DOK6: variants seen among roughly 807,000 people sequenced by gnomAD.
DOK6 encodes downstream of tyrosine kinase 6.
DOK6 carries 22 observed loss-of-function variants against 44.0 expected under a neutral mutation model. That is an observed-to-expected ratio of 0.50 (90% CI 0.36 to 0.71). DOK6 has a LOEUF of 0.71. Among genes scored for constraint, DOK6 ranks in the 30% least tolerant of loss-of-function variants. DOK6 has a pLI of 0.00. For synonymous variants in DOK6, 166 were observed against 145.5 expected, an observed-to-expected ratio of 1.14 and a Z score of -1.01; for missense variants, 340 against 416.4, an observed-to-expected ratio of 0.82 and a Z score of 1.60.
intron 7 of DOK6, among the ~76,000 whole-genome samples, chr18:69,785,648 T>C (rs1980407484): frequency 6.6e-6 from 1 of 152,206 alleles, no homozygotes; most frequent in Non-Finnish European, 1.5e-5. Flanking sequence ...GAATTCTTTT[T>C]GTTCCGTTGC....
chr18:69,645,032 T>G (rs1985035441), intron 3 of DOK6, among the ~76,000 whole-genome samples: 2 of 152,240 alleles, frequency 1.3e-5, no homozygotes, highest in Non-Finnish European at 2.9e-5. Flanking sequence ...CTTGCATACC[T>G]TTGATTCTCA....
intron 6 of DOK6, among the ~76,000 whole-genome samples, chr18:69,757,065 C>T (rs1599308443): frequency 6.6e-6 from 1 of 152,256 alleles, no homozygotes; most frequent in South Asian, 2.1e-4. Context: ...AATCATGTGC[C>T]GGAGCACGTG....
chr18:69,466,012 T>C (rs912467353), intron 1 of DOK6, among the ~76,000 whole-genome samples: 1 of 152,198 alleles, frequency 6.6e-6, no homozygotes, highest in African/African-American at 2.4e-5. Context: ...CTGACATACT[T>C]TTTTTGTTGT....
intron 1 of DOK6, among the ~76,000 whole-genome samples, chr18:69,423,974 C>T (rs749476277): frequency 2.0e-5 from 3 of 151,990 alleles, no homozygotes; most frequent in Non-Finnish European, 2.9e-5. Context: ...TATTGAATTA[C>T]GTAGCTTCAA....
chr18:69,512,833 A>T (rs1981411791), intron 1 of DOK6, among the ~76,000 whole-genome samples: 1 of 152,200 alleles, frequency 6.6e-6, no homozygotes, highest in African/African-American at 2.4e-5. Flanking sequence ...GCTTTCTACG[A>T]TTATTCTCCC....
chr18:69,628,104 T>A (rs1984601277), intron 3 of DOK6, among the ~76,000 whole-genome samples: 1 of 152,244 alleles, frequency 6.6e-6, no homozygotes, highest in East Asian at 1.9e-4. Flanking sequence ...ATTTGTTTTA[T>A]CATACAGTGT....
intron 3 of DOK6, among the ~76,000 whole-genome samples, chr18:69,631,550 C>T (rs1984690291): frequency 6.6e-6 from 1 of 152,138 alleles, no homozygotes; most frequent in Admixed American, 6.5e-5. Context: ...ACAGACTAAT[C>T]GATCTAACCT....
At chr18:69,701,482 C>A (rs1358863224) in intron 5 of DOK6, among the ~76,000 whole-genome samples, 1 of 152,190 alleles carries the variant, frequency 6.6e-6, no homozygotes, top group Admixed American at 6.5e-5. Flanking sequence ...CTGTGAAAGA[C>A]AAAACTCCTT....
At chr18:69,612,947 T>C (rs1171022864) in intron 3 of DOK6, among the ~76,000 whole-genome samples, 4 of 151,950 alleles carry the variant, frequency 2.6e-5, no homozygotes, top group Non-Finnish European at 2.9e-5. Context: ...AGTGGCATGA[T>C]CATGGCTCAC....
chr18:69,463,812 C>T (rs1342669471), intron 1 of DOK6, among the ~76,000 whole-genome samples: 2 of 151,208 alleles, frequency 1.3e-5, no homozygotes, highest in African/African-American at 2.4e-5. Flanking sequence ...CATGTGTGTC[C>T]GTGTGTGTGT....
At chr18:69,755,234 A>G (rs747609009) in intron 6 of DOK6, among the ~76,000 whole-genome samples, 1 of 152,180 alleles carries the variant, frequency 6.6e-6, no homozygotes, top group Non-Finnish European at 1.5e-5. Flanking sequence ...GTGGCTTCCA[A>G]TTATATTTCC....
intron 1 of DOK6, among the ~76,000 whole-genome samples, chr18:69,525,568 T>A (rs1298856495): frequency 2.0e-5 from 3 of 152,042 alleles, no homozygotes; most frequent in Non-Finnish European, 4.4e-5. Context: ...TTAGTACACT[T>A]GCCTTGGTTG....
chr18:69,486,956 CCT>C (rs1980592953), intron 1 of DOK6, among the ~76,000 whole-genome samples: 1 of 151,902 alleles, frequency 6.6e-6, no homozygotes, highest in Admixed American at 6.6e-5. Context: ...TTTTTCACCC[CCT>C]TTCTTTCTTC....
chr18:69,557,665 G>T (rs1337676004), intron 1 of DOK6, among the ~76,000 whole-genome samples: 2 of 152,100 alleles, frequency 1.3e-5, no homozygotes, highest in Admixed American at 1.3e-4. Flanking sequence ...TTTTCTATAT[G>T]GGAATCGGAG....
At chr18:69,739,133 C>G in intron 6 of DOK6, 30 bp downstream of exon 6, 2 of 1,611,454 alleles carry the variant, frequency 1.2e-6, no homozygotes, top group Non-Finnish European at 1.7e-6. Context: ...AACCTATCAG[C>G]TTGGAAATGA....
chr18:69,646,836 TATTA>T (rs897751660), intron 3 of DOK6, among the ~76,000 whole-genome samples: 2 of 152,138 alleles, frequency 1.3e-5, no homozygotes, highest in Non-Finnish European at 2.9e-5. Context: ...GTCTCAACAG[TATTA>T]CCTCTATTTC....
At chr18:69,733,689 C>T (rs939744747) in intron 5 of DOK6, among the ~76,000 whole-genome samples, 1 of 151,966 alleles carries the variant, frequency 6.6e-6, no homozygotes, top group Non-Finnish European at 1.5e-5. Flanking sequence ...TTAGCATGCT[C>T]TACATATTAC....
In DOK6 at chr18:69,656,411, T is replaced by A. The variant is rs184375786; in HGVS notation, c.290-21323T>A. On this transcript the variant is annotated intron_variant, in intron 3 of 7. Transcript: ENST00000382713. ...TGATGAGACGATATCACAAAGTGGT[T>A]TAGAGTATAGATGTTCTAGTCAGCG... Among the ~76,000 whole-genome samples the A allele has an allele frequency of 2.4e-3, 370 of 152,228 alleles. 4 individuals carry two copies. The highest frequency in any genetic ancestry group is 8.7e-3 in the African/African-American group (363 of 41,528).
At chr18:69,442,301 A>T (rs893494494) in intron 1 of DOK6, among the ~76,000 whole-genome samples, 1 of 152,146 alleles carries the variant, frequency 6.6e-6, no homozygotes, top group African/African-American at 2.4e-5. Context: ...ATAAGGACAT[A>T]CCCAAGACTG....
Sources: allele counts gnomAD v4.1 joint callset (sites outside exome capture counted in the v4.1 genomes callset), GRCh38; gene constraint gnomAD v4.1.1; transcripts MANE v1.5; gene names NCBI Gene and HGNC (gene_info 2026-07-23, HGNC 2026-07-21).